Variants in OSMR observed in about 807,000 individuals in gnomAD.
OSMR encodes oncostatin M receptor.
OSMR carries 81 observed loss-of-function variants against 99.9 expected under a neutral mutation model. The observed-to-expected ratio is 0.81, with a 90% CI of 0.68 to 0.97. The LOEUF is 0.97. Among genes scored for constraint, OSMR ranks in the 50% least tolerant of loss-of-function variants. The probability of loss-of-function intolerance (pLI) is 0.00; values close to 1 mark genes in which losing one functional copy is unlikely to be tolerated. For missense variants in OSMR, 1,099 were observed against 1,153.4 expected (o/e 0.95, Z 0.68); for synonymous variants, 406 against 410.4 (o/e 0.99, Z 0.13).
intron 15 of OSMR, 165 bp from the exon 16 acceptor site, chr5:38,931,718 G>C (rs1746760649): frequency 1.0e-6 from 1 of 976,740 alleles, no homozygotes; most frequent in African/African-American, 1.8e-5. Context: ...TAGTTGGTTG[G>C]TTGGCTTTTC....
At chr5:38,941,007 A>G (rs1028388312) in intron 1 of OSMR, 7 of 232,760 alleles carry the variant, frequency 3.0e-5, no homozygotes, top group Non-Finnish European at 5.1e-5. Context: ...AGATCTCAAA[A>G]AAGATAATCC....
chr5:38,897,764 C>A (rs1306838331), intron 7 of OSMR, among the ~76,000 whole-genome samples: 2 of 152,076 alleles, frequency 1.3e-5, no homozygotes, highest in African/African-American at 2.4e-5. Context: ...TGGCTATAAA[C>A]TTCCTTCTTA....
At chr5:38,923,066 G>A (rs553544451) in intron 12 of OSMR, 84 bp from the exon 13 acceptor site, 26 of 1,563,440 alleles carry the variant, frequency 1.7e-5, no homozygotes, top group Middle Eastern at 4.0e-4. Context: ...GTGAGCCAAC[G>A]TGTCATGCCT....
chr5:38,927,834 C>T (rs1471624740), intron 15 of OSMR, among the ~76,000 whole-genome samples: 1 of 152,166 alleles, frequency 6.6e-6, no homozygotes, highest in African/African-American at 2.4e-5. Context: ...ATTGCATGAT[C>T]AGGTTGCAAA....
chr5:38,881,983 G>A (rs1190673522), intron 4 of OSMR, among the ~76,000 whole-genome samples: 3 of 152,222 alleles, frequency 2.0e-5, no homozygotes, highest in African/African-American at 7.2e-5. Flanking sequence ...AGATAGTTGT[G>A]CAGATTCAGG....
downstream of OSMR, chr5:38,937,988 T>C (rs1359219733): frequency 5.2e-6 from 1 of 193,584 alleles, no homozygotes; most frequent in Non-Finnish European, 1.1e-5. This position sits in a 1 kb window ranked among gnomAD's most constrained non-coding sequence, Gnocchi z 4.0. Flanking sequence ...AGGAGGCTTT[T>C]AATGCCCTTG....
chr5:38,893,599 A>T lies in OSMR; in HGVS notation c.991+7409A>T, dbSNP rs375094350. The stretch of plus-strand genomic sequence containing the variant: ...AAAGAATTTCAGAGCTTCAAGAATG[A>T]TTTTTTCAAACCTAGTCAGACAAAA... On this transcript the variant is annotated intron_variant, in intron 7 of 17. Transcript: ENST00000274276. Among the ~76,000 whole-genome samples the T allele has an allele frequency of 1.1e-3, 170 of 152,332 alleles. 1 individual carries two copies. In the Middle Eastern group the frequency reaches 0.014, roughly 12 times the overall value.
downstream of OSMR, chr5:38,939,646 T>C (rs1161792415): frequency 8.6e-6 from 2 of 231,344 alleles, no homozygotes; most frequent in Non-Finnish European, 1.7e-5. Flanking sequence ...TAGAAATTCA[T>C]AGTTTACAAC....
intron 5 of OSMR, chr5:38,885,124 C>A (rs1743605236): frequency 4.4e-6 from 4 of 902,682 alleles, no homozygotes; most frequent in Admixed American, 6.2e-5. Context: ...ACCATCCATG[C>A]CCATGACATC....
intron 1 of OSMR, among the ~76,000 whole-genome samples, chr5:38,859,236 A>G (rs1423055649): frequency 2.6e-5 from 4 of 152,108 alleles, no homozygotes; most frequent in African/African-American, 7.2e-5. Flanking sequence ...TAGTTTAGGC[A>G]TTATGTTTAA....
At chr5:38,919,094 TTC>T in intron 11 of OSMR, 32 bp downstream of exon 11, 1 of 1,610,916 alleles carries the variant, frequency 6.2e-7, no homozygotes, top group Non-Finnish European at 8.5e-7. Context: ...TTTGTTTTTA[TTC>T]TCTAGGAAAA....
chr5:38,893,488 A>G (rs79817798), intron 7 of OSMR, among the ~76,000 whole-genome samples: 2,035 of 152,328 alleles, frequency 0.013, 43 homozygotes, highest in African/African-American at 0.046. Flanking sequence ...AAAGAAATCA[A>G]TTAGAACTAC....
intron 15 of OSMR, among the ~76,000 whole-genome samples, 200 bp downstream of exon 15, chr5:38,925,571 C>A (rs1259011804): frequency 6.6e-6 from 1 of 152,146 alleles, no homozygotes; most frequent in Admixed American, 6.5e-5. Context: ...AAAACAGATA[C>A]AAATAGAGGT....
chr5:38,871,467 C>T (rs574882800), intron 2 of OSMR, among the ~76,000 whole-genome samples: 2 of 152,210 alleles, frequency 1.3e-5, no homozygotes, highest in African/African-American at 4.8e-5. Context: ...TGCATTTAAC[C>T]AAGTACTTAC....
chr5:38,941,603 C>T (rs1394129483), intron 1 of OSMR: 1 of 231,226 alleles, frequency 4.3e-6, no homozygotes, highest in Non-Finnish European at 8.6e-6. Context: ...TAGTGAAAAA[C>T]CTTAATTGGT....
intron 1 of OSMR, among the ~76,000 whole-genome samples, chr5:38,861,937 T>C (rs1276729170): frequency 3.5e-5 from 3 of 84,562 alleles, no homozygotes; most frequent in Non-Finnish European, 6.8e-5. Context: ...CCCCCCCACC[T>C]CCCACCCGGA....
intron 1 of OSMR, among the ~76,000 whole-genome samples, chr5:38,863,613 G>A (rs1741692945): frequency 6.6e-6 from 1 of 152,178 alleles, no homozygotes; most frequent in African/African-American, 2.4e-5. Flanking sequence ...ATGTGCTGAT[G>A]AGAAGAATGT....
At chr5:38,918,371 C>A (rs767921313) in intron 10 of OSMR, among the ~76,000 whole-genome samples, 2 of 152,102 alleles carry the variant, frequency 1.3e-5, no homozygotes, top group African/African-American at 2.4e-5. Flanking sequence ...AACTGAGGAT[C>A]TTCCAGAGGA....
chr5:38,855,688 AC>A (rs1268521937), intron 1 of OSMR, among the ~76,000 whole-genome samples: 1 of 138,184 alleles, frequency 7.2e-6, no homozygotes, highest in Middle Eastern at 3.3e-3. Context: ...CATTGCACTA[AC>A]CCCCCCAACC....
Sources: gnomAD v4.1 joint callset for allele counts (sites outside exome capture counted in the v4.1 genomes callset) on GRCh38, gnomAD v4.1.1 for gene constraint, Gnocchi (gnomAD v3.1) non-coding constraint, MANE v1.5 for transcripts, NCBI Gene and HGNC (gene_info 2026-07-23, HGNC 2026-07-21) for gene names.